Variants in NBAS observed in about 807,000 individuals in gnomAD.
NBAS encodes the protein NBAS subunit of NRZ tethering complex, also known as NAG/BC035112 fusion.
Under a neutral mutation model 302.5 loss-of-function variants are expected in NBAS, and 219 were observed. That is an observed-to-expected ratio of 0.72 (90% CI 0.65 to 0.81). The LOEUF is 0.81. Ranked by LOEUF, NBAS falls within the 30% of genes least tolerant of loss-of-function variation. The pLI is 0.00. For missense variants in NBAS, 2,932 were observed against 2,841.6 expected (o/e 1.03, Z -0.72); for synonymous variants, 1,118 against 1,021.6 (o/e 1.09, Z -1.80).
intron 10 of NBAS, among the ~76,000 whole-genome samples, chr2:15,504,575 ATC>A (rs1361616267): frequency 6.6e-6 from 1 of 152,244 alleles, no homozygotes; most frequent in Non-Finnish European, 1.5e-5. Context: ...AAGCAATTTC[ATC>A]TATTAACAAT....
At chr2:15,218,563 A>G (rs1482664267) in intron 48 of NBAS, among the ~76,000 whole-genome samples, 1 of 152,182 alleles carries the variant, frequency 6.6e-6, no homozygotes, top group South Asian at 2.1e-4. Context: ...AGCTGGGACT[A>G]CAGATGCGTG....
intron 47 of NBAS, among the ~76,000 whole-genome samples, 188 bp from the exon 48 acceptor site, chr2:15,219,156 A>G (rs576992031): frequency 1.3e-5 from 2 of 152,372 alleles, no homozygotes; most frequent in South Asian, 4.1e-4. Flanking sequence ...AAACCTATGT[A>G]AAATGAATGT....
At chr2:14,885,792 A>G in the NBAS span, among the ~76,000 whole-genome samples, 3 of 152,320 alleles carry the variant, frequency 2.0e-5, no homozygotes, top group East Asian at 5.8e-4. Context: ...AACGTATATC[A>G]GGTAAGGAGA....
chr2:15,021,939 T>C, the NBAS span, among the ~76,000 whole-genome samples: 2 of 152,074 alleles, frequency 1.3e-5, no homozygotes, highest in Non-Finnish European at 2.9e-5. Context: ...AAATAGACTC[T>C]GAAATGGAGA....
chr2:14,790,009 T>A, the NBAS span, among the ~76,000 whole-genome samples: 462 of 152,336 alleles, frequency 3.0e-3, 3 homozygotes, highest in African/African-American at 0.011. Context: ...ATTGAGCTAT[T>A]ACTATTTGCC....
chr2:15,054,223 C>A, the NBAS span, among the ~76,000 whole-genome samples: 1 of 152,326 alleles, frequency 6.6e-6, no homozygotes, highest in African/African-American at 2.4e-5. Flanking sequence ...CTACCCATTT[C>A]ATAGGTAAGG....
At position 15,294,217 on chromosome 2, in the gene NBAS, G is replaced by A. The variant is rs369401577; in HGVS notation, c.4798-1451C>T. On this transcript the variant is annotated intron_variant, in intron 40 of 51. Transcript: ENST00000281513. ...TACACAGGAGTGGGCAGGTGTTATC[G>A]AAGTCTTCTTCAAAGAGTTAATGTC... Among the ~76,000 whole-genome samples, 30 of 152,292 alleles carry A rather than the reference G, an allele frequency of 2.0e-4. 2 individuals carry two copies. The East Asian group carries it at 2.5e-3, about 13-fold the overall frequency.
the NBAS span, among the ~76,000 whole-genome samples, chr2:15,145,213 G>T: frequency 1.3e-5 from 2 of 152,148 alleles, no homozygotes; most frequent in South Asian, 4.1e-4. Context: ...ATACTCTGCT[G>T]GTGTTTTCAT....
chr2:14,789,737 C>T, the NBAS span, among the ~76,000 whole-genome samples: 7 of 152,292 alleles, frequency 4.6e-5, no homozygotes, highest in South Asian at 2.1e-4. Context: ...GTGCCTTGTA[C>T]GTGCTTCTAT....
chr2:14,980,017 G>A, the NBAS span, among the ~76,000 whole-genome samples: 1 of 152,166 alleles, frequency 6.6e-6, no homozygotes, highest in Non-Finnish European at 1.5e-5. Context: ...AAACTGAATA[G>A]AAGACATCAA....
chr2:14,928,806 G>T, the NBAS span, among the ~76,000 whole-genome samples: 1 of 152,140 alleles, frequency 6.6e-6, no homozygotes, highest in Non-Finnish European at 1.5e-5. Context: ...CTCAGTCCTT[G>T]TAGGTCACAG....
At chr2:15,195,163 C>T (rs551482169) in intron 48 of NBAS, among the ~76,000 whole-genome samples, 21 of 152,164 alleles carry the variant, frequency 1.4e-4, no homozygotes, top group African/African-American at 5.1e-4. Flanking sequence ...ATGTCCCTTC[C>T]AAAATTCATG....
At chr2:14,938,751 C>T in the NBAS span, among the ~76,000 whole-genome samples, 644 of 152,262 alleles carry the variant, frequency 4.2e-3, 7 homozygotes, top group African/African-American at 0.015. Flanking sequence ...ATCTGTATCA[C>T]GTTAACAAAG....
intron 31 of NBAS, among the ~76,000 whole-genome samples, chr2:15,368,362 G>A (rs1674322159): frequency 6.6e-6 from 1 of 151,830 alleles, no homozygotes; most frequent in Non-Finnish European, 1.5e-5. Context: ...ACCACGCCTG[G>A]CTAACTTTTG....
chr2:15,510,195 G>C (rs1195026537), intron 10 of NBAS, among the ~76,000 whole-genome samples: 2 of 152,202 alleles, frequency 1.3e-5, no homozygotes, highest in Non-Finnish European at 2.9e-5. Flanking sequence ...AGACATGCAA[G>C]ACTGCAGTGT....
At chr2:15,300,030 A>C (rs1670723911) in intron 40 of NBAS, among the ~76,000 whole-genome samples, 1 of 152,216 alleles carries the variant, frequency 6.6e-6, no homozygotes, top group Non-Finnish European at 1.5e-5. Flanking sequence ...TTAAAAGGAA[A>C]AATGCAGGCG....
At chr2:15,405,061 G>A (rs1408020076) in intron 25 of NBAS, among the ~76,000 whole-genome samples, 5 of 151,982 alleles carry the variant, frequency 3.3e-5, no homozygotes, top group Admixed American at 3.3e-4. Context: ...ATGTCTCCTT[G>A]TTTTAGTCTA....
At position 15,436,156 on chromosome 2, in the gene NBAS, T is replaced by C. The variant is rs147965987; in HGVS notation, c.2340-8362A>G. On this transcript the variant is annotated intron_variant, in intron 21 of 51. Transcript: ENST00000281513. ...CAGAGCTCTCAAAGGAAAAAACTCT[T>C]AAGAACTAGAAAGACAAGATCAAAT... Among the ~76,000 whole-genome samples, 506 of 152,288 alleles carry C rather than the reference T, an allele frequency of 3.3e-3. 2 individuals carry two copies. Among genetic ancestry groups the C allele is most frequent in the African/African-American group, 0.011 (464 of 41,560 alleles).
intron 42 of NBAS, among the ~76,000 whole-genome samples, chr2:15,279,455 G>C (rs1046759821): frequency 2.0e-5 from 3 of 152,120 alleles, no homozygotes; most frequent in African/African-American, 7.2e-5. Flanking sequence ...TCTCCCAGCA[G>C]CAATAATCGA....
Sources: allele counts gnomAD v4.1 joint callset (sites outside exome capture counted in the v4.1 genomes callset), GRCh38; gene constraint gnomAD v4.1.1; transcripts MANE v1.5; gene names NCBI Gene and HGNC (gene_info 2026-07-23, HGNC 2026-07-21).